The following CPNE8 variants were observed in gnomAD, a reference collection of about 807,000 sequenced individuals.
CPNE8 encodes the protein copine 8.
In CPNE8, 45 loss-of-function variants were observed where a neutral mutation model predicts 81.5. The observed-to-expected ratio is 0.55, with a 90% confidence interval of 0.44 to 0.71. The LOEUF is 0.71. CPNE8 is among the 30% of genes least tolerant of loss of function. CPNE8 has a pLI of 0.00. For missense variants in CPNE8, 594 were observed against 672.1 expected, an observed-to-expected ratio of 0.88 and a Z score of 1.28; for synonymous variants, 252 against 226.3, an observed-to-expected ratio of 1.11 and a Z score of -1.02.
chr12:38,860,631 A>G lies in CPNE8; in HGVS notation c.187-11969T>C, dbSNP rs376528025. ...CTATGTTCATTACAGCATTATTCAC[A>G]ATAGTCTACATACCATGGGACATGA... On this transcript the variant is annotated intron_variant, in intron 3 of 19. Transcript: ENST00000331366. Among the ~76,000 whole-genome samples the G allele has an allele frequency of 1.5e-4, 23 of 152,256 alleles. No individual in the cohort carries two copies. The East Asian group carries it at 4.2e-3, about 28-fold the overall frequency.
intron 7 of CPNE8, among the ~76,000 whole-genome samples, chr12:38,774,904 T>G (rs1941894558): frequency 6.6e-6 from 1 of 152,130 alleles, no homozygotes; most frequent in African/African-American, 2.4e-5. Flanking sequence ...TTAAATGACT[T>G]AAATTATAAT....
intron 13 of CPNE8, among the ~76,000 whole-genome samples, chr12:38,718,657 C>T (rs1354244201): frequency 7.2e-5 from 11 of 152,056 alleles, no homozygotes; most frequent in Admixed American, 3.9e-4. Context: ...TTGTGAAATA[C>T]GTATATCATT....
chr12:38,838,054 C>G (rs1386692270), intron 5 of CPNE8, among the ~76,000 whole-genome samples: 1 of 152,132 alleles, frequency 6.6e-6, no homozygotes, highest in African/African-American at 2.4e-5. Flanking sequence ...ACACTTCTCT[C>G]TGCCCTGTAC....
chr12:38,734,977 T>A (rs1328805676), intron 10 of CPNE8, among the ~76,000 whole-genome samples: 1 of 152,124 alleles, frequency 6.6e-6, no homozygotes, highest in Non-Finnish European at 1.5e-5. Flanking sequence ...TACACCGCAG[T>A]GTAACATGTT....
rs1464828433 is a variant in CPNE8 at position 38,739,669 on chromosome 12, C to G, written c.723-9311G>C. On this transcript the variant is annotated intron_variant, in intron 10 of 19. Coordinates refer to ENST00000331366, the MANE Select transcript of CPNE8 (RefSeq NM_153634.3). ...CCTCAAAACCATAAAATACCTTTTC[C>G]TATTCACTTTTTAAAAGTTGATATA... Among the ~76,000 whole-genome samples the G allele has an allele frequency of 5.3e-5, 8 of 152,106 alleles. No individual in the cohort carries two copies. The East Asian group carries it at 1.5e-3, about 29-fold the overall frequency.
chr12:38,894,045 A>T (rs1233073144), intron 1 of CPNE8, among the ~76,000 whole-genome samples: 1 of 152,102 alleles, frequency 6.6e-6, no homozygotes, highest in Non-Finnish European at 1.5e-5. Context: ...CCAATCATAA[A>T]ATTATGAACC....
intron 11 of CPNE8, among the ~76,000 whole-genome samples, chr12:38,725,940 C>T (rs1336754730): frequency 6.6e-6 from 1 of 152,152 alleles, no homozygotes; most frequent in African/African-American, 2.4e-5. Flanking sequence ...GACAGTTTCC[C>T]CACAGATGGG....
At chr12:38,796,263 G>T (rs1156864597) in intron 6 of CPNE8, among the ~76,000 whole-genome samples, 3 of 151,940 alleles carry the variant, frequency 2.0e-5, no homozygotes, top group South Asian at 4.1e-4. Context: ...CTCCAGCCTG[G>T]GAGAGAGAGT....
intron 18 of CPNE8, among the ~76,000 whole-genome samples, chr12:38,674,366 A>G (rs150399481): frequency 6.6e-6 from 1 of 152,314 alleles, no homozygotes; most frequent in East Asian, 1.9e-4. Context: ...GAGACCTGAG[A>G]TATACCCATG....
At chr12:38,797,165 G>C (rs1942505020) in intron 6 of CPNE8, among the ~76,000 whole-genome samples, 1 of 152,194 alleles carries the variant, frequency 6.6e-6, no homozygotes, top group Admixed American at 6.5e-5. Flanking sequence ...AGACGTAAAT[G>C]TCCCTGTCTG....
chr12:38,662,092 G>A (rs559591895), intron 19 of CPNE8, among the ~76,000 whole-genome samples: 33 of 152,084 alleles, frequency 2.2e-4, no homozygotes, highest in African/African-American at 6.0e-4. Context: ...CAAAGAACTT[G>A]AACAAGAGAA....
intron 13 of CPNE8, among the ~76,000 whole-genome samples, chr12:38,712,052 A>C (rs1173977762): frequency 9.2e-5 from 14 of 152,104 alleles, no homozygotes; most frequent in Non-Finnish European, 2.1e-4. Context: ...CTTGGGTGCC[A>C]CAACAAAAAG....
chr12:38,680,228 C>T (rs11169095), intron 16 of CPNE8, among the ~76,000 whole-genome samples: 12,702 of 151,888 alleles, frequency 0.084, 1,187 homozygotes, highest in East Asian at 0.47. Context: ...AATATTCTTT[C>T]AGCTTATTAT....
At chr12:38,663,912 G>A (rs1939010440) in intron 19 of CPNE8, among the ~76,000 whole-genome samples, 1 of 152,052 alleles carries the variant, frequency 6.6e-6, no homozygotes. Context: ...ATATGTGTAA[G>A]CTAAAAAAGT....
intron 6 of CPNE8, among the ~76,000 whole-genome samples, chr12:38,796,314 T>A (rs1477683597): frequency 6.6e-5 from 10 of 151,892 alleles, no homozygotes; most frequent in Middle Eastern, 6.8e-3. Context: ...AAAAAAATCT[T>A]GAACTCAAAA....
chr12:38,670,658 C>A, intron 19 of CPNE8, 71 bp downstream of exon 19: 2 of 1,015,620 alleles, frequency 2.0e-6, no homozygotes, highest in Non-Finnish European at 3.0e-6. Flanking sequence ...ATATTTCTAG[C>A]TTCTAATTTT....
chr12:38,710,605 C>T (rs1447465935), intron 13 of CPNE8, among the ~76,000 whole-genome samples: 1 of 152,196 alleles, frequency 6.6e-6, no homozygotes, highest in African/African-American at 2.4e-5. Flanking sequence ...ATTTCGTGAG[C>T]AACCCATGCC....
intron 5 of CPNE8, among the ~76,000 whole-genome samples, chr12:38,835,661 T>A (rs1273056119): frequency 6.6e-6 from 1 of 152,204 alleles, no homozygotes; most frequent in Non-Finnish European, 1.5e-5. Context: ...TATACTCTAA[T>A]GAAAGAATCT....
intron 5 of CPNE8, among the ~76,000 whole-genome samples, chr12:38,832,280 C>T (rs981345565): frequency 1.3e-5 from 2 of 152,140 alleles, no homozygotes; most frequent in East Asian, 1.9e-4. Flanking sequence ...GCTTGACATA[C>T]ACTATGACAT....
Sources: gnomAD v4.1 joint callset for allele counts (sites outside exome capture counted in the v4.1 genomes callset) on GRCh38, gnomAD v4.1.1 for gene constraint, MANE v1.5 for transcripts, NCBI Gene and HGNC (gene_info 2026-07-23, HGNC 2026-07-21) for gene names.